The following KDM4C variants were observed in gnomAD, a reference collection of about 807,000 sequenced individuals.
KDM4C encodes the protein lysine demethylase 4C.
Under a neutral mutation model 129.3 loss-of-function variants are expected in KDM4C, and 81 were observed. The observed-to-expected ratio is 0.63, with a 90% confidence interval of 0.52 to 0.75. The LOEUF is 0.75. Ranked by LOEUF, KDM4C falls within the 30% of genes least tolerant of loss-of-function variation. The probability of loss-of-function intolerance (pLI) is 0.00; values close to 1 mark genes in which losing one functional copy is unlikely to be tolerated. For synonymous variants in KDM4C, 573 were observed against 456.1 expected (o/e 1.26, Z -3.26); for missense variants, 1,457 against 1,304.0 (o/e 1.12, Z -1.81).
intron 19 of KDM4C, among the ~76,000 whole-genome samples, chr9:7,139,208 G>A (rs748820780): frequency 9.9e-5 from 15 of 152,196 alleles, no homozygotes; most frequent in Non-Finnish European, 1.5e-4. Flanking sequence ...CTGGGAGGCC[G>A]AGGTTGCAAT....
intron 1 of KDM4C, among the ~76,000 whole-genome samples, chr9:6,761,896 C>T (rs1050146931): frequency 6.6e-6 from 1 of 152,126 alleles, no homozygotes; most frequent in Non-Finnish European, 1.5e-5. Context: ...ACTGCAACCT[C>T]CGACTCCCTG....
chr9:6,984,111 T>C, intron 9 of KDM4C, 55 bp from the exon 10 acceptor site: 1 of 1,120,166 alleles, frequency 8.9e-7, no homozygotes, highest in Admixed American at 2.0e-5. Flanking sequence ...TTGGGATGTG[T>C]TTTTCATATC....
chr9:6,844,937 C>T lies in KDM4C; in HGVS notation c.436-4570C>T, dbSNP rs554927434. ...TCCTGACCTCAGGTGATCCGCCTGC[C>T]TCGGCCTCCCAAAGTGCTGGGATTA... is the stretch of plus-strand genomic sequence containing the variant. On this transcript the variant is annotated intron_variant, in intron 4 of 21. Coordinates refer to ENST00000381309, the MANE Select transcript of KDM4C (RefSeq NM_015061.6). Among the ~76,000 whole-genome samples, 44 of 152,348 alleles carry T rather than the reference C, an allele frequency of 2.9e-4. No individual in the cohort carries two copies. The Middle Eastern group carries it at 0.02, about 71-fold the overall frequency.
intron 12 of KDM4C, among the ~76,000 whole-genome samples, chr9:6,997,961 T>C (rs1820067318): frequency 6.6e-6 from 1 of 152,236 alleles, no homozygotes; most frequent in Non-Finnish European, 1.5e-5. Context: ...GTACTGTGTT[T>C]AGTCAAGTGC....
Position 7,049,145 on chromosome 9 carries a change from TCC to T in KDM4C, c.2371_2372del (p.Pro791ArgfsTer27). On this transcript the variant is annotated frameshift_variant, in exon 17 of 22. Transcript: ENST00000381309. LOFTEE classifies it high-confidence loss of function. Reference sequence around the variant, plus strand: ...GTCCCAGAAGTTCGATTCACTAATGTCCCAGAAAGGACACAAATAGATGTAGG... The same window carrying T: ...GTCCCAGAAGTTCGATTCACTAATGTCAGAAAGGACACAAATAGATGTAGG... The T allele has an allele frequency of 6.2e-7, 1 of 1,612,616 alleles. No individual in the cohort carries two copies. Among genetic ancestry groups the T allele is most frequent in the Non-Finnish European group, 8.5e-7 (1 of 1,178,950 alleles).
chr9:6,758,167 C>T lies in KDM4C; in HGVS notation c.-54C>T. 3 of 985,984 alleles carry T rather than the reference C, an allele frequency of 3.0e-6. No homozygotes were observed. Among genetic ancestry groups the T allele is most frequent in the African/African-American group, 1.7e-5 (1 of 57,370 alleles). 61.1% of individuals were successfully genotyped at this position (985,984 alleles called of 1,614,324 possible). ...GAGGCCACTGTCTTCTCTTCCTCCT[C>T]CACCGAGTCGTGCTCTCGCCCCAAC... On this transcript the variant is annotated 5_prime_UTR_variant, in exon 1 of 22. Coordinates refer to ENST00000381309, the MANE Select transcript of KDM4C (RefSeq NM_015061.6). The surrounding 1 kb of genome is among the most constrained non-coding windows in gnomAD (Gnocchi z 4.6).
At chr9:7,131,091 A>G (rs535927400) in intron 19 of KDM4C, among the ~76,000 whole-genome samples, 1 of 151,790 alleles carries the variant, frequency 6.6e-6, no homozygotes, top group South Asian at 2.1e-4. Context: ...CAGGAAAAAA[A>G]CAAAACAAAA....
intron 6 of KDM4C, among the ~76,000 whole-genome samples, chr9:6,885,038 C>G (rs1170179445): frequency 2.0e-5 from 3 of 152,168 alleles, no homozygotes; most frequent in East Asian, 3.8e-4. Context: ...GTAAAATTCA[C>G]TTATTTTAAG....
intron 18 of KDM4C, among the ~76,000 whole-genome samples, chr9:7,127,475 C>A (rs986506782): frequency 8.5e-5 from 13 of 152,122 alleles, no homozygotes; most frequent in Non-Finnish European, 1.8e-4. Context: ...ACTTAAGACA[C>A]ATGCTTTATT....
In KDM4C at chr9:6,839,104, A is replaced by T. The variant is rs10975842; in HGVS notation, c.436-10403A>T. ...AGTATTTTACATTAGCCTAGCTTTAAGTTGCCAGCACAGTAGTGGAGTTTG... is the reference window on the plus strand; with the variant it reads ...AGTATTTTACATTAGCCTAGCTTTATGTTGCCAGCACAGTAGTGGAGTTTG... On this transcript the variant is annotated intron_variant, in intron 4 of 21. Coordinates refer to ENST00000381309, the MANE Select transcript of KDM4C (RefSeq NM_015061.6). 5.7e-3 allele frequency among the ~76,000 whole-genome samples: 875 copies of T among 152,336 alleles called. 11 individuals carry two copies. Among genetic ancestry groups the T allele is most frequent in the African/African-American group, 0.02 (836 of 41,576 alleles).
chr9:7,033,480 C>T (rs1003240215), intron 15 of KDM4C, among the ~76,000 whole-genome samples: 5 of 152,140 alleles, frequency 3.3e-5, no homozygotes, highest in African/African-American at 9.7e-5. Flanking sequence ...CTGCAAAGGC[C>T]ATGGTGGTAA....
intron 4 of KDM4C, among the ~76,000 whole-genome samples, chr9:6,815,821 G>C (rs1025054325): frequency 1.3e-5 from 2 of 152,154 alleles, no homozygotes; most frequent in African/African-American, 2.4e-5. Flanking sequence ...TTATGGGTAA[G>C]GGATACTTGA....
intron 4 of KDM4C, among the ~76,000 whole-genome samples, chr9:6,824,946 C>A (rs138656443): frequency 0.025 from 3,742 of 151,952 alleles, 161 homozygotes; most frequent in African/African-American, 0.081. Flanking sequence ...GAGTTCGAGA[C>A]CAGCCTGGCC....
chr9:6,946,767 C>T (rs4740864), intron 8 of KDM4C, among the ~76,000 whole-genome samples: 112,677 of 152,006 alleles, frequency 0.74, 42,252 homozygotes, highest in East Asian at 1. Context: ...TTTTTTAATG[C>T]CATTTTATGT....
At chr9:6,933,906 G>A (rs998047340) in intron 8 of KDM4C, among the ~76,000 whole-genome samples, 2 of 148,978 alleles carry the variant, frequency 1.3e-5, no homozygotes, top group African/African-American at 2.5e-5. Context: ...CTGAAGTGCA[G>A]CGGTGTGATC....
chr9:6,865,920 A>C (rs1263725096), intron 5 of KDM4C, among the ~76,000 whole-genome samples: 1 of 151,142 alleles, frequency 6.6e-6, no homozygotes, highest in Non-Finnish European at 1.5e-5. Context: ...TGCCTGGCTA[A>C]TTTTTTGTAT....
chr9:6,855,084 T>G (rs1166381061), intron 5 of KDM4C, among the ~76,000 whole-genome samples: 1 of 152,200 alleles, frequency 6.6e-6, no homozygotes, highest in African/African-American at 2.4e-5. Flanking sequence ...ATACATTCAT[T>G]TAGCAAATAT....
At chr9:7,143,323 A>G (rs1841936495) in intron 19 of KDM4C, among the ~76,000 whole-genome samples, 1 of 152,274 alleles carries the variant, frequency 6.6e-6, no homozygotes, top group African/African-American at 2.4e-5. Context: ...TGAAATATTA[A>G]TTGACCAACT....
intron 17 of KDM4C, among the ~76,000 whole-genome samples, chr9:7,062,103 G>A (rs1251351271): frequency 3.3e-5 from 5 of 152,050 alleles, no homozygotes; most frequent in African/African-American, 1.2e-4. Flanking sequence ...AAGTAGCTGG[G>A]ACTACAGGTG....
Sources: gnomAD v4.1 joint callset for allele counts (sites outside exome capture counted in the v4.1 genomes callset) on GRCh38, gnomAD v4.1.1 for gene constraint, Gnocchi (gnomAD v3.1) non-coding constraint, MANE v1.5 for transcripts, NCBI Gene and HGNC (gene_info 2026-07-23, HGNC 2026-07-21) for gene names.